PRKD2: variants seen among roughly 807,000 people sequenced by gnomAD.
PRKD2 encodes protein kinase D2, also known as serine/threonine-protein kinase D2.
In PRKD2, 22 loss-of-function variants were observed where a neutral mutation model predicts 86.0. The ratio of observed to expected loss-of-function variants is 0.26; its 90% confidence interval spans 0.18 to 0.37. The LOEUF (loss-of-function observed/expected upper bound fraction) is 0.37, where lower values mean the gene tolerates loss of function less well. Ranked by LOEUF, PRKD2 falls within the 10% of genes least tolerant of loss-of-function variation. PRKD2 has a pLI of 1.00. For synonymous variants in PRKD2, 509 were observed against 510.9 expected, an observed-to-expected ratio of 1.00 and a Z score of 0.05; for missense variants, 818 against 1,199.2, an observed-to-expected ratio of 0.68 and a Z score of 4.70.
intron 5 of PRKD2, among the ~76,000 whole-genome samples, chr19:46,703,227 A>G (rs1160424676): frequency 1.3e-5 from 2 of 152,188 alleles, no homozygotes; most frequent in Admixed American, 1.3e-4. Context: ...GAATTCTATC[A>G]TTCGGAATTC....
chr19:46,691,203 T>G (rs1172027660), intron 12 of PRKD2, among the ~76,000 whole-genome samples: 1 of 152,054 alleles, frequency 6.6e-6, no homozygotes, highest in African/African-American at 2.4e-5. Flanking sequence ...ATTTAGCCTG[T>G]GGCCAATCAG....
rs2053883192 is a variant in PRKD2 at position 46,716,501 on chromosome 19, C to T, written c.-131G>A. On this transcript the variant is annotated 5_prime_UTR_variant, in exon 1 of 18. Transcript: ENST00000291281. The surrounding 1 kb of genome is among the most constrained non-coding windows in gnomAD (Gnocchi z 7.9). ...GGAGAGCGGGGATCCGAGAAAAGAT[C>T]TGGCAGGCGGAGGGGACCTGAGGAT... 5 of 532,118 alleles carry T rather than the reference C, an allele frequency of 9.4e-6. No individual in the cohort carries two copies. In the South Asian group the frequency reaches 1.5e-4, roughly 15 times the overall value. The allele number at this position is 532,118 out of a possible 1,614,324, so 33.0% of individuals were successfully genotyped here.
chr19:46,700,139 G>A (rs542341801), intron 7 of PRKD2, among the ~76,000 whole-genome samples: 1 of 152,218 alleles, frequency 6.6e-6, no homozygotes, highest in Admixed American at 6.5e-5. Context: ...GGGAGGCTGA[G>A]GCAGGAGAAT....
rs1297976029 is a variant in PRKD2 at position 46,713,939 on chromosome 19, C to T, written c.303G>A (p.Thr101=). The change falls in exon 2 of 18, where the codon ACG becomes ACA. Residue 101 remains threonine, a synonymous_variant. Transcript: ENST00000291281. Reference sequence around the variant, plus strand: ...GCACCAGCTGCAGGAGGTTGGCCGACGTGGGGTCATGTTTGAAAAGCAGGA... The same window carrying T: ...GCACCAGCTGCAGGAGGTTGGCCGATGTGGGGTCATGTTTGAAAAGCAGGA... The part of the protein sequence containing the change: ...DKILLFKHDP[T]SANLLQLVRS... 5 of 1,613,352 alleles carry T rather than the reference C, an allele frequency of 3.1e-6. No homozygotes were observed. The highest frequency in any genetic ancestry group is 1.1e-5 in the South Asian group (1 of 91,072).
rs570830851 is a variant in PRKD2, at chr19:46,678,895, A to G, written c.2071-232T>C. ...AGAGCACCTATCTCAGAGGACTGCC[A>G]TGATGGTTAGTGAATTAAACCATCC... On this transcript the variant is annotated intron_variant, in intron 15 of 17. Coordinates refer to ENST00000291281, the MANE Select transcript of PRKD2 (RefSeq NM_016457.5). The surrounding 1 kb of genome is among the most constrained non-coding windows in gnomAD (Gnocchi z 5.7). 4.2e-4 allele frequency among the ~76,000 whole-genome samples: 64 copies of G among 152,332 alleles called. No individual in the cohort carries two copies. The highest frequency in any genetic ancestry group is 1.3e-3 in the African/African-American group (56 of 41,570).
At chr19:46,709,702 G>A (rs1214829660) in intron 3 of PRKD2, among the ~76,000 whole-genome samples, 5 of 151,926 alleles carry the variant, frequency 3.3e-5, no homozygotes, top group East Asian at 3.9e-4. Flanking sequence ...TCCATAATCA[G>A]CTGACTGTAA....
chr19:46,711,971 G>A (rs1439574671), intron 2 of PRKD2, among the ~76,000 whole-genome samples: 3 of 151,918 alleles, frequency 2.0e-5, no homozygotes, highest in Non-Finnish European at 4.4e-5. Flanking sequence ...AGGAGGCTGA[G>A]GCAGGAGAAT....
intron 3 of PRKD2, among the ~76,000 whole-genome samples, chr19:46,706,037 TA>T (rs1264151901): frequency 6.6e-6 from 1 of 152,054 alleles, no homozygotes; most frequent in Non-Finnish European, 1.5e-5. Context: ...TTTTTATTTT[TA>T]TTTTTTTGTA....
rs2053240740 is a variant in PRKD2, at chr19:46,678,250, T to C, written c.2338+146A>G. ...CAGGACGGCTCCTCCTGTAGCCACA[T>C]CCCTCCAGTAGGCCCGCCCCAGCAC... On this transcript the variant is annotated intron_variant, in intron 16 of 17. Transcript: ENST00000291281. The surrounding 1 kb of genome is among the most constrained non-coding windows in gnomAD (Gnocchi z 5.7). 1 of 1,264,474 alleles carries C rather than the reference T, an allele frequency of 7.9e-7. No homozygotes were observed. Among genetic ancestry groups the C allele is most frequent in the Non-Finnish European group, 1.1e-6 (1 of 927,206 alleles). 78.3% of individuals were successfully genotyped at this position (1,264,474 alleles called of 1,614,324 possible).
chr19:46,696,007 T>A (rs776309190), intron 9 of PRKD2, among the ~76,000 whole-genome samples: 2 of 151,970 alleles, frequency 1.3e-5, no homozygotes, highest in Non-Finnish European at 2.9e-5. Flanking sequence ...CCCAGCTAAT[T>A]TTTGTATTTT....
Position 46,716,434 on chromosome 19 carries a change from A to C in PRKD2, c.-64T>G. The C allele has an allele frequency of 9.5e-7, 1 of 1,052,012 alleles. No homozygotes were observed. Among genetic ancestry groups the C allele is most frequent in the Non-Finnish European group, 1.3e-6 (1 of 768,278 alleles). 65.2% of individuals were successfully genotyped at this position (1,052,012 alleles called of 1,614,324 possible). A position where few individuals can be genotyped will look rare whatever the true frequency, so the allele number is the denominator to read the frequency against. ...GGACCCGGCCGGGGGGCCCCGGGGG[A>C]CCCTGGGTTCTAGATCCGCGGGATC... On this transcript the variant is annotated 5_prime_UTR_variant, in exon 1 of 18. Coordinates refer to ENST00000291281, the MANE Select transcript of PRKD2 (RefSeq NM_016457.5). This position sits in a 1 kb window ranked among gnomAD's most constrained non-coding sequence, Gnocchi z 7.9.
At chr19:46,711,075 G>A in intron 2 of PRKD2, 37 bp from the exon 3 acceptor site, 1 of 1,549,614 alleles carries the variant, frequency 6.5e-7, no homozygotes, top group Non-Finnish European at 8.8e-7. Context: ...CTTGAGGCGG[G>A]GTAGGCCAAA....
At chr19:46,714,573 AGCTTTGGGGGCCTGGGG>A (rs1320407923) in intron 1 of PRKD2, 1 of 149,872 alleles carries the variant, frequency 6.7e-6, no homozygotes, top group African/African-American at 2.5e-5. Context: ...CTGGGTCCTC[AGCTTTGGGGGCCTGGGG>A]GCAGGAAATG....
At chr19:46,679,585 G>T (rs78320072) in intron 15 of PRKD2, among the ~76,000 whole-genome samples, 3 of 152,164 alleles carry the variant, frequency 2.0e-5, no homozygotes, top group African/African-American at 7.2e-5. Flanking sequence ...TGCTGACTGC[G>T]GTAGCTGGCA....
chr19:46,700,779 T>C lies in PRKD2; in HGVS notation c.1121+20A>G, dbSNP rs2053623943. 1 of 1,601,410 alleles carries C rather than the reference T, an allele frequency of 6.2e-7. No individual in the cohort carries two copies. The highest frequency in any genetic ancestry group is 1.3e-5 in the African/African-American group (1 of 74,852). On this transcript the variant is annotated intron_variant, in intron 7 of 17. Transcript: ENST00000291281. ...CAGGAGGGTCTTCCCCCAGGGTCTC[T>C]TGGAGGGTTCTGTGTATACCTCTGG...
At chr19:46,683,804 C>CG (rs2053352238) in intron 14 of PRKD2, among the ~76,000 whole-genome samples, 1 of 152,100 alleles carries the variant, frequency 6.6e-6, no homozygotes, top group Admixed American at 6.5e-5. Context: ...GGATAGCTAA[C>CG]CACTGTATGT....
chr19:46,697,659 C>T (rs1399551458), intron 8 of PRKD2, 74 bp downstream of exon 8: 1 of 1,405,498 alleles, frequency 7.1e-7, no homozygotes, highest in Non-Finnish European at 1.0e-6. Context: ...CCCACCTAGC[C>T]CCGCCTACTC....
In PRKD2 at chr19:46,716,388, C is replaced by T. The variant is rs2053882098; in HGVS notation, c.-18G>A. 2.2e-6 allele frequency: 3 copies of T among 1,349,328 alleles called. No homozygotes were observed. Among genetic ancestry groups the T allele is most frequent in the South Asian group, 1.8e-5 (1 of 56,704 alleles). The allele number at this position is 1,349,328 out of a possible 1,614,324, so 83.6% of individuals were successfully genotyped here. ...GTGGCCATGGGGGGAGGCCGGGGACCGGCCGCCTGGAGCCCACCCGGGACC... is the reference window on the plus strand; with the variant it reads ...GTGGCCATGGGGGGAGGCCGGGGACTGGCCGCCTGGAGCCCACCCGGGACC... On this transcript the variant is annotated 5_prime_UTR_variant, in exon 1 of 18. Transcript: ENST00000291281. The surrounding 1 kb of genome is among the most constrained non-coding windows in gnomAD (Gnocchi z 7.9).
chr19:46,680,946 A>ATATATATT, intron 15 of PRKD2, among the ~76,000 whole-genome samples: 1 of 48,258 alleles, frequency 2.1e-5, no homozygotes, highest in Non-Finnish European at 4.0e-5. Context: ...ATATATATAT[A>ATATATATT]TTTTTTTTTT....
Sources: gnomAD v4.1 joint callset for allele counts (sites outside exome capture counted in the v4.1 genomes callset) on GRCh38, gnomAD v4.1.1 for gene constraint, Gnocchi (gnomAD v3.1) non-coding constraint, MANE v1.5 for transcripts, NCBI Gene and HGNC (gene_info 2026-07-23, HGNC 2026-07-21) for gene names.